Variants in EDEM1 observed in about 807,000 individuals in gnomAD.
The protein encoded by EDEM1 is ER degradation-enhancing alpha-mannosidase-like protein 1.
Under a neutral mutation model 74.4 loss-of-function variants are expected in EDEM1, and 67 were observed. The observed-to-expected ratio is 0.90, with a 90% CI of 0.74 to 1.10. EDEM1 has a LOEUF of 1.10. Ranked by LOEUF, EDEM1 falls within the 50% of genes least tolerant of loss-of-function variation. The pLI is 0.00. For missense variants in EDEM1, 926 were observed against 851.6 expected (o/e 1.09, Z -1.09); for synonymous variants, 382 against 335.9 (o/e 1.14, Z -1.50).
Position 5,216,620 on chromosome 3 carries a change from G to A in EDEM1, c.*702G>A, listed in dbSNP as rs1044721040. ...AAAAGTCATCCAGTTTTTCATGTTT[G>A]CCTCAAGTAATCTTTACAGTGTTAC... On this transcript the variant is annotated 3_prime_UTR_variant, in exon 12 of 12. Coordinates refer to ENST00000256497, the MANE Select transcript of EDEM1 (RefSeq NM_014674.3). The A allele has an allele frequency of 2.6e-5, 4 of 152,594 alleles. No individual in the cohort carries two copies. Among genetic ancestry groups the A allele is most frequent in the African/African-American group, 9.7e-5 (4 of 41,444 alleles). The allele number at this position is 152,594 out of a possible 1,614,324, so 9.5% of individuals were successfully genotyped here.
At chr3:5,203,272 C>T in intron 5 of EDEM1, 123 bp downstream of exon 5, 1 of 1,010,382 alleles carries the variant, frequency 9.9e-7, no homozygotes, top group South Asian at 2.2e-5. Flanking sequence ...AGAATTGTGT[C>T]AGCTCTATCT....
At chr3:5,195,812 G>A (rs1349530949) in intron 2 of EDEM1, among the ~76,000 whole-genome samples, 1 of 152,224 alleles carries the variant, frequency 6.6e-6, no homozygotes, top group Admixed American at 6.5e-5. Flanking sequence ...TGGCATTACT[G>A]CCTCATCCTG....
chr3:5,212,253 G>T (rs2055176589), intron 10 of EDEM1, among the ~76,000 whole-genome samples: 1 of 152,222 alleles, frequency 6.6e-6, no homozygotes, highest in Non-Finnish European at 1.5e-5. Context: ...TCTGTCTGGG[G>T]TCTTTTCACA....
At position 5,216,653 on chromosome 3, in the gene EDEM1, T is replaced by G. The variant is rs1467449293; in HGVS notation, c.*735T>G. 1 of 152,676 alleles carries G rather than the reference T, an allele frequency of 6.5e-6. No individual in the cohort carries two copies. Among genetic ancestry groups the G allele is most frequent in the Non-Finnish European group, 1.5e-5 (1 of 68,044 alleles). The allele number at this position is 152,676 out of a possible 1,614,324, so 9.5% of individuals were successfully genotyped here. A position where few individuals can be genotyped will look rare whatever the true frequency, so the allele number is the denominator to read the frequency against. On this transcript the variant is annotated 3_prime_UTR_variant, in exon 12 of 12. Coordinates refer to ENST00000256497, the MANE Select transcript of EDEM1 (RefSeq NM_014674.3). ...TAATCTTTACAGTGTTACAAATTAT[T>G]TGCTTAAGAAGAATGGTCTTAACCA...
chr3:5,207,655 T>C (rs1391352523), intron 7 of EDEM1, among the ~76,000 whole-genome samples: 1 of 152,064 alleles, frequency 6.6e-6, no homozygotes, highest in Non-Finnish European at 1.5e-5. Flanking sequence ...TACAGGCGCC[T>C]GCCACCACAT....
intron 1 of EDEM1, among the ~76,000 whole-genome samples, chr3:5,188,672 T>A (rs1270527428): frequency 1.3e-5 from 2 of 152,222 alleles, no homozygotes; most frequent in Non-Finnish European, 2.9e-5. Context: ...TTCCTCCGGA[T>A]GAGCATAAAC....
intron 5 of EDEM1, among the ~76,000 whole-genome samples, chr3:5,204,503 A>G (rs2055072129): frequency 1.3e-5 from 2 of 151,702 alleles, no homozygotes; most frequent in Non-Finnish European, 1.5e-5. Flanking sequence ...TGAACCCCCC[A>G]TCTCAGCCTC....
chr3:5,207,175 G>T lies in EDEM1; in HGVS notation c.1240G>T (p.Glu414Ter). The T allele has an allele frequency of 6.2e-7, 1 of 1,614,150 alleles. No homozygotes were observed. Among genetic ancestry groups the T allele is most frequent in the Non-Finnish European group, 8.5e-7 (1 of 1,180,018 alleles). The change falls in exon 7 of 12, where the codon GAA becomes TAA. Residue 414 changes from glutamate (E) to a stop codon, truncating the protein, a stop_gained. Transcript: ENST00000256497. LOFTEE classifies it high-confidence loss of function. Reference protein sequence around the residue: ...RRGREACNEGEGDPPLYVNVN... With the variant: ...RRGREACNEG The stretch of plus-strand genomic sequence containing the variant: ...CAGGCGGGAAGCCTGCAATGAAGGA[G>T]AAGGAGACCCTCCACTCTATGTCAA...
At chr3:5,203,657 G>A (rs926696076) in intron 5 of EDEM1, among the ~76,000 whole-genome samples, 2 of 152,134 alleles carry the variant, frequency 1.3e-5, no homozygotes, top group Admixed American at 1.3e-4. Context: ...GAGAAAGTAT[G>A]ATGAATAATG....
At chr3:5,210,955 A>C (rs144156565) in intron 9 of EDEM1, among the ~76,000 whole-genome samples, 165 bp from the exon 10 acceptor site, 1 of 152,250 alleles carries the variant, frequency 6.6e-6, no homozygotes, top group Non-Finnish European at 1.5e-5. Context: ...GTAAATTTGC[A>C]AACAACCCAG....
intron 2 of EDEM1, 139 bp from the exon 3 acceptor site, chr3:5,199,453 T>G: frequency 1.7e-6 from 1 of 598,616 alleles, no homozygotes; most frequent in Non-Finnish European, 2.9e-6. Context: ...AAATAACTGC[T>G]TTTCTGTCTC....
intron 1 of EDEM1, among the ~76,000 whole-genome samples, chr3:5,193,790 G>T (rs1205409475): frequency 6.6e-6 from 1 of 152,080 alleles, no homozygotes; most frequent in Non-Finnish European, 1.5e-5. Flanking sequence ...TAGAGACAGG[G>T]TCTTGCCATG....
Position 5,189,012 on chromosome 3 carries a change from C to T in EDEM1, c.509+698C>T, listed in dbSNP as rs78613621. Among the ~76,000 whole-genome samples the T allele has an allele frequency of 7.4e-3, 1,122 of 152,264 alleles. 6 individuals are homozygous for T. The highest frequency in any genetic ancestry group is 0.011 in the Non-Finnish European group (738 of 68,026). The stretch of plus-strand genomic sequence containing the variant: ...CGCCCTGTACGATCTGTCTATAAAT[C>T]CCCCGCCTCTGGTGGCGTGGTTGTC... On this transcript the variant is annotated intron_variant, in intron 1 of 11. Coordinates refer to ENST00000256497, the MANE Select transcript of EDEM1 (RefSeq NM_014674.3).
Position 5,218,356 on chromosome 3 carries a change from T to G in EDEM1, c.*2438T>G, listed in dbSNP as rs1034829335. On this transcript the variant is annotated 3_prime_UTR_variant, in exon 12 of 12. Coordinates refer to ENST00000256497, the MANE Select transcript of EDEM1 (RefSeq NM_014674.3). ...GAGCCAGTTTCAAAGGTTACTTGTT[T>G]TTTTTTTTTTTTTTTAAAGTCAGAA... 2 of 130,958 alleles carry G rather than the reference T, an allele frequency of 1.5e-5. No individual in the cohort carries two copies. The highest frequency in any genetic ancestry group is 6.9e-5 in the African/African-American group (2 of 29,134). The allele number at this position is 130,958 out of a possible 1,614,324, so 8.1% of individuals were successfully genotyped here.
At chr3:5,196,732 G>A (rs1322519110) in intron 2 of EDEM1, among the ~76,000 whole-genome samples, 1 of 152,086 alleles carries the variant, frequency 6.6e-6, no homozygotes, top group Non-Finnish European at 1.5e-5. Flanking sequence ...CTCTGTTTCA[G>A]TCATTTACCA....
At chr3:5,194,964 C>A in intron 1 of EDEM1, 1 of 303,966 alleles carries the variant, frequency 3.3e-6, no homozygotes, top group Non-Finnish European at 6.0e-6. Flanking sequence ...TCCTGACTTC[C>A]TGTGAGCATT....
intron 4 of EDEM1, among the ~76,000 whole-genome samples, chr3:5,202,383 T>C (rs1163267100): frequency 6.6e-6 from 1 of 152,242 alleles, no homozygotes; most frequent in Non-Finnish European, 1.5e-5. Context: ...GCAAGTTAGC[T>C]GCTGATTTAA....
At chr3:5,210,341 A>C in intron 9 of EDEM1, 93 bp downstream of exon 9, 1 of 1,210,660 alleles carries the variant, frequency 8.3e-7, no homozygotes, top group Non-Finnish European at 1.2e-6. Context: ...ATTTTAATTT[A>C]TAGAACCAGG....
Position 5,188,334 on chromosome 3 carries a change from C to G in EDEM1, c.509+20C>G. The stretch of plus-strand genomic sequence containing the variant: ...GGACCCGTGAGTAGCCCCCGCCGCC[C>G]GGGGCCGCGCGCCCACGCGCTTCCT... On this transcript the variant is annotated intron_variant, in intron 1 of 11. Transcript: ENST00000256497. 2.1e-6 allele frequency: 3 copies of G among 1,405,258 alleles called. No individual in the cohort carries two copies. Among genetic ancestry groups the G allele is most frequent in the Non-Finnish European group, 2.8e-6 (3 of 1,076,666 alleles). The allele number at this position is 1,405,258 out of a possible 1,614,324, so 87.0% of individuals were successfully genotyped here.
Sources: gnomAD v4.1 joint callset for allele counts (sites outside exome capture counted in the v4.1 genomes callset) on GRCh38, gnomAD v4.1.1 for gene constraint, MANE v1.5 for transcripts, NCBI Gene and HGNC (gene_info 2026-07-23, HGNC 2026-07-21) for gene names.